Variants in REV3L observed in about 807,000 individuals in gnomAD.
REV3L encodes the protein DNA polymerase zeta catalytic subunit.
REV3L carries 69 observed loss-of-function variants against 299.4 expected under a neutral mutation model. The ratio of observed to expected loss-of-function variants is 0.23; its 90% CI spans 0.19 to 0.28. The LOEUF is 0.28. Among genes scored for constraint, REV3L ranks in the 10% least tolerant of loss-of-function variants. The pLI, the probability that REV3L is intolerant of heterozygous loss-of-function variation, is 1.00. For synonymous variants in REV3L, 1,238 were observed against 1,271.4 expected (o/e 0.97, Z 0.56); for missense variants, 3,128 against 3,693.8 (o/e 0.85, Z 3.97).
intron 4 of REV3L, among the ~76,000 whole-genome samples, chr6:111,404,943 C>T (rs11756643): frequency 0.4 from 60,525 of 151,778 alleles, 14,574 homozygotes; most frequent in Non-Finnish European, 0.54. Context: ...CTTAGGAATC[C>T]GTCTGGAATG....
At chr6:111,396,890 C>T (rs1221240726) in intron 4 of REV3L, among the ~76,000 whole-genome samples, 1 of 152,114 alleles carries the variant, frequency 6.6e-6, no homozygotes, top group Non-Finnish European at 1.5e-5. Context: ...AAAATGTACA[C>T]ATTCCCTCTA....
At chr6:111,412,177 A>G in intron 2 of REV3L, 1 of 985,408 alleles carries the variant, frequency 1.0e-6, no homozygotes, top group Non-Finnish European at 1.2e-6. Context: ...ACACACAACC[A>G]TATCAAGTGC....
intron 25 of REV3L, among the ~76,000 whole-genome samples, chr6:111,327,423 T>TA: frequency 6.6e-6 from 1 of 151,946 alleles, no homozygotes; most frequent in Non-Finnish European, 1.5e-5. Context: ...GGCATAGAGG[T>TA]AAGCACCTGT....
At chr6:111,450,232 T>G (rs1583036633) in intron 1 of REV3L, among the ~76,000 whole-genome samples, 1 of 151,844 alleles carries the variant, frequency 6.6e-6, no homozygotes, top group South Asian at 2.1e-4. Flanking sequence ...TAATCCCAGC[T>G]CTTTGGGAGG....
intron 1 of REV3L, among the ~76,000 whole-genome samples, chr6:111,481,758 G>C (rs1248444717): frequency 6.6e-6 from 1 of 152,116 alleles, no homozygotes; most frequent in African/African-American, 2.4e-5. Context: ...TTCAAAGCAT[G>C]CAAAAAAGCA....
At chr6:111,448,441 T>A (rs747301939) in intron 1 of REV3L, among the ~76,000 whole-genome samples, 6 of 152,030 alleles carry the variant, frequency 3.9e-5, no homozygotes, top group Non-Finnish European at 8.8e-5. Context: ...TAGGCTCAGA[T>A]GATCCACCTC....
At position 111,367,253 on chromosome 6, in the gene REV3L, G is replaced by A; in HGVS notation, c.6535C>T (p.Pro2179Ser). 6.2e-7 allele frequency: 1 copy of A among 1,613,914 alleles called. No homozygotes were observed. The highest frequency in any genetic ancestry group is 8.5e-7 in the Non-Finnish European group (1 of 1,179,940). The change falls in exon 14 of 32, where the codon CCT (proline) becomes TCT (serine). Residue 2179 changes from proline to serine, a missense_variant. Around this residue, in one of 9 missense-constraint regions of REV3L, gnomAD observed 2,409 missense variants for 2,611.8 expected, o/e 0.92. Coordinates refer to ENST00000368802, the MANE Select transcript of REV3L (RefSeq NM_001372078.1). ...GTATTAATTGGAGATATCACTAGAGGCTCTTGAGGCTCACTGCAGGGGCTT... is the reference window on the plus strand; with the variant it reads ...GTATTAATTGGAGATATCACTAGAGACTCTTGAGGCTCACTGCAGGGGCTT... ...QKSPCSEPQE[P>S]LVISPINTRA...
chr6:111,359,610 A>G (rs1778442178), intron 16 of REV3L, among the ~76,000 whole-genome samples: 1 of 151,588 alleles, frequency 6.6e-6, no homozygotes, highest in Non-Finnish European at 1.5e-5. Context: ...TTTAACATAT[A>G]ATGCAAAAAA....
At chr6:111,393,074 G>A in intron 4 of REV3L, 102 bp from the exon 5 acceptor site, 1 of 692,510 alleles carries the variant, frequency 1.4e-6, no homozygotes, top group Admixed American at 2.3e-5. Flanking sequence ...GTCTCGCTTT[G>A]TTGCCCAGGC....
At chr6:111,429,031 C>A (rs1033394741) in intron 1 of REV3L, among the ~76,000 whole-genome samples, 3 of 152,092 alleles carry the variant, frequency 2.0e-5, no homozygotes, top group Non-Finnish European at 4.4e-5. Flanking sequence ...TGTCTGGCAA[C>A]AGACATCTTA....
At chr6:111,366,656 C>G (rs1779246911) in intron 14 of REV3L, among the ~76,000 whole-genome samples, 1 of 152,038 alleles carries the variant, frequency 6.6e-6, no homozygotes, top group African/African-American at 2.4e-5. Context: ...TGTAGAATGA[C>G]AGGGGCAGAA....
chr6:111,456,845 TCCTTTTCA>T (rs1790219844), intron 1 of REV3L, among the ~76,000 whole-genome samples: 1 of 152,118 alleles, frequency 6.6e-6, no homozygotes, highest in South Asian at 2.1e-4. Flanking sequence ...CAGGTAATAT[TCCTTTTCA>T]CTTGACTACC....
At position 111,375,518 on chromosome 6, in the gene REV3L, G is replaced by A; in HGVS notation, c.2837C>T (p.Pro946Leu). 6.2e-7 allele frequency: 1 copy of A among 1,613,036 alleles called. No individual in the cohort carries two copies. Among genetic ancestry groups the A allele is most frequent in the Non-Finnish European group, 8.5e-7 (1 of 1,179,688 alleles). ...FVTHNSKISL[P>L]HPMEIGESLD... ...ACTTTCACCAATTTCCATGGGATGA[G>A]GTAGACTAATTTTTGAGTTGTGAGT... is the stretch of plus-strand genomic sequence containing the variant. Residue 946 changes from proline (P) to leucine (L), a missense_variant, in exon 13 of 32, where the codon CCT (proline) becomes CTT (leucine). By Grantham distance (98) the Pro-to-Leu change is moderately conservative (BLOSUM62 -3). Around this residue, in one of 9 missense-constraint regions of REV3L, gnomAD observed 2,409 missense variants for 2,611.8 expected, o/e 0.92. Coordinates refer to ENST00000368802, the MANE Select transcript of REV3L (RefSeq NM_001372078.1).
chr6:111,321,695 A>G (rs151052534), intron 26 of REV3L, among the ~76,000 whole-genome samples: 12 of 152,308 alleles, frequency 7.9e-5, no homozygotes, highest in East Asian at 5.8e-4. Context: ...AAAGAACTGG[A>G]TAAGATTAAA....
intron 1 of REV3L, among the ~76,000 whole-genome samples, chr6:111,448,846 G>C (rs1789170500): frequency 6.8e-6 from 1 of 147,074 alleles, no homozygotes; most frequent in Admixed American, 6.8e-5. Context: ...GCCCAGCCTG[G>C]TCTCTAACTC....
intron 3 of REV3L, among the ~76,000 whole-genome samples, chr6:111,410,811 C>T (rs1562269670): frequency 6.6e-6 from 1 of 152,124 alleles, no homozygotes; most frequent in South Asian, 2.1e-4. Flanking sequence ...GAACCCAGTA[C>T]CTACTAGCAG....
chr6:111,435,490 C>T (rs1019907432), intron 1 of REV3L, among the ~76,000 whole-genome samples: 5 of 152,084 alleles, frequency 3.3e-5, no homozygotes, highest in Admixed American at 2.0e-4. Flanking sequence ...AACAGAGAAC[C>T]TACATATAAA....
At chr6:111,483,589 T>C, upstream of REV3L, 1 of 461,078 alleles carries the variant, frequency 2.2e-6, no homozygotes, top group Non-Finnish European at 4.3e-6. Context: ...GCTGCGATGC[T>C]CACACTTGCC....
chr6:111,420,420 C>T (rs1785202999), intron 1 of REV3L, among the ~76,000 whole-genome samples: 1 of 152,108 alleles, frequency 6.6e-6, no homozygotes, highest in South Asian at 2.1e-4. Context: ...AATACATTAT[C>T]AACTACAGTC....
Sources: allele counts gnomAD v4.1 joint callset (sites outside exome capture counted in the v4.1 genomes callset), GRCh38; gene constraint gnomAD v4.1.1; regional missense constraint gnomAD v4.1.1; transcripts MANE v1.5; gene names NCBI Gene and HGNC (gene_info 2026-07-23, HGNC 2026-07-21).